Variants in DYNC2LI1 observed in about 807,000 individuals in gnomAD.
The protein encoded by DYNC2LI1 is dynein cytoplasmic 2 light intermediate chain 1.
Under a neutral mutation model 51.9 loss-of-function variants are expected in DYNC2LI1, and 45 were observed. That is an observed-to-expected ratio of 0.87 (90% CI 0.68 to 1.11). The LOEUF (loss-of-function observed/expected upper bound fraction) is 1.11. Ranked by LOEUF, DYNC2LI1 falls within the 50% of genes most tolerant of loss-of-function variation. The probability of loss-of-function intolerance (pLI) is 0.00; values close to 1 mark genes in which losing one functional copy is unlikely to be tolerated. For synonymous variants in DYNC2LI1, 130 were observed against 137.8 expected, an observed-to-expected ratio of 0.94 and a Z score of 0.40; for missense variants, 490 against 417.4, an observed-to-expected ratio of 1.17 and a Z score of -1.51.
the DYNC2LI1 span, chr2:43,822,776 G>A: frequency 6.2e-7 from 1 of 1,614,096 alleles, no homozygotes; most frequent in Non-Finnish European, 8.5e-7. Context: ...CCGGCCCTGG[G>A]TGAACTGAAC....
chr2:43,811,993 A>C (rs894575298), downstream of DYNC2LI1, among the ~76,000 whole-genome samples: 9 of 152,162 alleles, frequency 5.9e-5, no homozygotes, highest in Non-Finnish European at 1.2e-4. Flanking sequence ...ACAGTTCAAG[A>C]ATGTGAATTT....
rs1674016598 is a variant in DYNC2LI1 at position 43,795,939 on chromosome 2, G to A, written c.557G>A (p.Ser186Asn). Residue 186 changes from serine (S) to asparagine (N), a missense_variant, in exon 7 of 13, where the codon AGT (serine) becomes AAT (asparagine). By Grantham distance (46) the Ser-to-Asn change is conservative. Transcript: ENST00000260605. ...PFPVPLVIIG[S>N]KYDVFQDFES... Reference sequence around the variant, plus strand: ...CCGGTACCTCTGGTCATAATTGGAAGTAAATATGATGTTTTTCAGGTAAGC... The same window carrying A: ...CCGGTACCTCTGGTCATAATTGGAAATAAATATGATGTTTTTCAGGTAAGC... The A allele has an allele frequency of 6.2e-7, 1 of 1,613,080 alleles. No homozygotes were observed. Among genetic ancestry groups the A allele is most frequent in the Non-Finnish European group, 8.5e-7 (1 of 1,179,224 alleles).
intron 12 of DYNC2LI1, among the ~76,000 whole-genome samples, chr2:43,807,870 T>C (rs1666327132): frequency 6.6e-6 from 1 of 152,076 alleles, no homozygotes; most frequent in Non-Finnish European, 1.5e-5. Context: ...CAATGCATTA[T>C]TTTGAGGCCG....
intron 10 of DYNC2LI1, among the ~76,000 whole-genome samples, chr2:43,802,213 A>C (rs1206646451): frequency 6.6e-6 from 1 of 151,980 alleles, no homozygotes; most frequent in African/African-American, 2.4e-5. Context: ...AAACTCATAG[A>C]CTCTATAGGC....
chr2:43,786,568 G>A (rs185713309), intron 3 of DYNC2LI1, among the ~76,000 whole-genome samples: 24 of 152,216 alleles, frequency 1.6e-4, no homozygotes, highest in Admixed American at 5.2e-4. Flanking sequence ...TTGGGAGGCC[G>A]AGGCGGGCGG....
intron 8 of DYNC2LI1, among the ~76,000 whole-genome samples, chr2:43,799,359 A>G (rs780414195): frequency 2.0e-5 from 3 of 152,184 alleles, no homozygotes; most frequent in Non-Finnish European, 4.4e-5. Flanking sequence ...TGATAAGTAG[A>G]ACCAGAATCA....
the DYNC2LI1 span, among the ~76,000 whole-genome samples, chr2:43,822,249 C>G: frequency 6.6e-6 from 1 of 152,096 alleles, no homozygotes; most frequent in East Asian, 1.9e-4. Context: ...ATTGCAATGG[C>G]CTTCTCCCTT....
chr2:43,818,258 A>T, the DYNC2LI1 span, among the ~76,000 whole-genome samples: 2 of 152,242 alleles, frequency 1.3e-5, no homozygotes, highest in Admixed American at 1.3e-4. Context: ...AGCCTGGCCA[A>T]CATGGCGAAA....
At chr2:43,827,446 C>G in the DYNC2LI1 span, among the ~76,000 whole-genome samples, 3 of 152,108 alleles carry the variant, frequency 2.0e-5, no homozygotes, top group African/African-American at 7.2e-5. Context: ...AGAAAGGATC[C>G]AGATGCAGTT....
intron 1 of DYNC2LI1, among the ~76,000 whole-genome samples, chr2:43,775,163 G>C (rs540877957): frequency 1.3e-5 from 2 of 152,234 alleles, no homozygotes; most frequent in South Asian, 4.1e-4. Context: ...GCTTTTTAGA[G>C]ATAGAGAAAC....
chr2:43,780,982 A>C (rs940361120), intron 2 of DYNC2LI1, among the ~76,000 whole-genome samples: 2 of 152,212 alleles, frequency 1.3e-5, no homozygotes, highest in African/African-American at 4.8e-5. Context: ...TTTTAATGAT[A>C]ATCTAAAACT....
chr2:43,808,602 C>T (rs148557774), intron 12 of DYNC2LI1, among the ~76,000 whole-genome samples: 210 of 152,234 alleles, frequency 1.4e-3, no homozygotes, highest in African/African-American at 4.9e-3. Context: ...AGGATAGCCA[C>T]CTCCACTAAA....
chr2:43,806,086 C>A (rs1015938002), intron 12 of DYNC2LI1, among the ~76,000 whole-genome samples: 3 of 151,956 alleles, frequency 2.0e-5, no homozygotes, highest in African/African-American at 7.2e-5. Context: ...GTTTCACCAT[C>A]TTGGCCAGGC....
chr2:43,820,969 T>G, the DYNC2LI1 span, among the ~76,000 whole-genome samples: 4 of 152,230 alleles, frequency 2.6e-5, no homozygotes, highest in East Asian at 7.7e-4. Context: ...TTCATTTTCT[T>G]GTAAACAAAC....
chr2:43,794,665 T>C, intron 6 of DYNC2LI1, 22 bp downstream of exon 6: 1 of 1,614,002 alleles, frequency 6.2e-7, no homozygotes, highest in Non-Finnish European at 8.5e-7. Context: ...TTTGGGATTA[T>C]TACTGGAATC....
At chr2:43,794,770 C>A (rs1431926993) in intron 6 of DYNC2LI1, 127 bp downstream of exon 6, 1 of 1,536,188 alleles carries the variant, frequency 6.5e-7, no homozygotes, top group South Asian at 1.2e-5. Context: ...TGAACCTGTT[C>A]ACTGGAAAAT....
chr2:43,791,084 C>T (rs545714682), intron 5 of DYNC2LI1, among the ~76,000 whole-genome samples: 2 of 152,212 alleles, frequency 1.3e-5, no homozygotes, highest in South Asian at 2.1e-4. Flanking sequence ...AGCCAGGCAT[C>T]ATAGCAAGCC....
At chr2:43,774,894 A>G (rs1326802410) in intron 1 of DYNC2LI1, among the ~76,000 whole-genome samples, 2 of 152,184 alleles carry the variant, frequency 1.3e-5, no homozygotes, top group Non-Finnish European at 2.9e-5. Context: ...GCAGATCCTC[A>G]TATTTTGAAA....
chr2:43,824,287 C>T, the DYNC2LI1 span: 34 of 1,614,068 alleles, frequency 2.1e-5, no homozygotes, highest in East Asian at 5.8e-4. Flanking sequence ...CCATTGGTAA[C>T]GTTTTCAGGT....
Sources: gnomAD v4.1 joint callset for allele counts (sites outside exome capture counted in the v4.1 genomes callset) on GRCh38, gnomAD v4.1.1 for gene constraint, MANE v1.5 for transcripts, NCBI Gene and HGNC (gene_info 2026-07-23, HGNC 2026-07-21) for gene names.